Variants in CIP2A observed in about 807,000 individuals in gnomAD.
The protein encoded by CIP2A is protein CIP2A.
In CIP2A, 103 loss-of-function variants were observed where a neutral mutation model predicts 110.9. That is an observed-to-expected ratio of 0.93 (90% CI 0.79 to 1.09). CIP2A has a LOEUF of 1.09. Ranked by LOEUF, CIP2A falls within the 50% of genes least tolerant of loss-of-function variation. The pLI is 0.00. For synonymous variants in CIP2A, 381 were observed against 361.6 expected, an observed-to-expected ratio of 1.05 and a Z score of -0.61; for missense variants, 1,088 against 1,038.4, an observed-to-expected ratio of 1.05 and a Z score of -0.66.
intron 1 of CIP2A, among the ~76,000 whole-genome samples, chr3:108,588,914 G>A (rs1487141591): frequency 6.6e-6 from 1 of 152,232 alleles, no homozygotes; most frequent in Non-Finnish European, 1.5e-5. Context: ...TTTTAATCAT[G>A]ACTTTCCGTC....
At chr3:108,583,348 A>G (rs1938946961) in intron 2 of CIP2A, among the ~76,000 whole-genome samples, 1 of 152,158 alleles carries the variant, frequency 6.6e-6, no homozygotes, top group Non-Finnish European at 1.5e-5. Context: ...AATTAAAATC[A>G]TTTACTTTGA....
At position 108,553,750 on chromosome 3, in the gene CIP2A, T is replaced by G; in HGVS notation, c.2325-20A>C. 3 of 1,483,620 alleles carry G rather than the reference T, an allele frequency of 2.0e-6. No homozygotes were observed. Among genetic ancestry groups the G allele is most frequent in the Non-Finnish European group, 2.8e-6 (3 of 1,077,796 alleles). 91.9% of individuals were successfully genotyped at this position (1,483,620 alleles called of 1,614,324 possible). ...ATACTTCTGAAGTTATTAAAAAAAA[T>G]AGAAGAAAACATTAATGAACCATAT... On this transcript the variant is annotated intron_variant, in intron 18 of 20. Transcript: ENST00000295746.
chr3:108,559,269 A>G (rs1576300316), intron 16 of CIP2A, among the ~76,000 whole-genome samples: 1 of 152,300 alleles, frequency 6.6e-6, no homozygotes, highest in South Asian at 2.1e-4. Context: ...TCTTATTTGT[A>G]GAACACTAAA....
At chr3:108,566,925 A>G (rs1947430) in intron 10 of CIP2A, among the ~76,000 whole-genome samples, 54,259 of 151,526 alleles carry the variant, frequency 0.36, 10,247 homozygotes, top group East Asian at 0.53. Context: ...GGTTCAATAA[A>G]TATTTATTGA....
intron 1 of CIP2A, chr3:108,585,543 G>C: frequency 2.6e-6 from 1 of 387,684 alleles, no homozygotes; most frequent in Non-Finnish European, 4.9e-6. Context: ...GCAAACTTTT[G>C]AGTTCCTAGC....
At chr3:108,588,950 C>T (rs916028031) in intron 1 of CIP2A, among the ~76,000 whole-genome samples, 1 of 152,184 alleles carries the variant, frequency 6.6e-6, no homozygotes, top group Non-Finnish European at 1.5e-5. Context: ...GTATTGAGGG[C>T]TTGGTTTCGT....
At chr3:108,581,290 G>A in intron 5 of CIP2A, 125 bp downstream of exon 5, 1 of 650,236 alleles carries the variant, frequency 1.5e-6, no homozygotes, top group Non-Finnish European at 2.6e-6. Flanking sequence ...TAATTTTGAT[G>A]GGTCATCCGA....
intron 2 of CIP2A, among the ~76,000 whole-genome samples, chr3:108,584,332 CA>C (rs34357388): frequency 1.3e-5 from 2 of 152,050 alleles, no homozygotes; most frequent in Admixed American, 6.6e-5. Context: ...ATTAAAGATC[CA>C]AAAGTATTGT....
At chr3:108,553,476 G>A (rs1384279701) in intron 19 of CIP2A, among the ~76,000 whole-genome samples, 172 bp downstream of exon 19, 1 of 151,778 alleles carries the variant, frequency 6.6e-6, no homozygotes, top group East Asian at 1.9e-4. Flanking sequence ...TTTTCAACTT[G>A]ATTAAACCGA....
chr3:108,551,186 C>A lies in CIP2A; in HGVS notation c.2681G>T (p.Gly894Val). The stretch of plus-strand genomic sequence containing the variant: ...ATTCACAGTTTCTGGATTTATTTTT[C>A]CACCACTTAAACTGTGGATCATTGC... Reference protein sequence around the residue: ...MIAMIHSLSGGKINPETVNLS... With the variant: ...MIAMIHSLSGVKINPETVNLS... The change falls in exon 21 of 21, where the codon GGA (glycine) becomes GTA (valine). Residue 894 changes from glycine (G) to valine (V), a missense_variant. Transcript: ENST00000295746. The A allele has an allele frequency of 6.4e-7, 1 of 1,557,492 alleles. No individual in the cohort carries two copies. The highest frequency in any genetic ancestry group is 8.7e-7 in the Non-Finnish European group (1 of 1,147,362).
In CIP2A at chr3:108,560,738, A is replaced by C; in HGVS notation, c.1738T>G (p.Ser580Ala). 1.9e-6 allele frequency: 3 copies of C among 1,612,416 alleles called. No individual in the cohort carries two copies. Among genetic ancestry groups the C allele is most frequent in the African/African-American group, 1.3e-5 (1 of 74,940 alleles). ...AAATGAGGAGTTAAACACTTTATTG[A>C]TGTTGGAAAACTGTGATTTGATGAT... is the stretch of plus-strand genomic sequence containing the variant. ...WQSSNHSFPT[S>A]IKCLTPHLKD... The change falls in exon 14 of 21, where the codon TCA becomes GCA. Residue 580 changes from serine (S) to alanine (A), a missense_variant. Coordinates refer to ENST00000295746, the MANE Select transcript of CIP2A (RefSeq NM_020890.3).
intron 17 of CIP2A, among the ~76,000 whole-genome samples, 198 bp downstream of exon 17, chr3:108,557,020 T>C (rs1221704580): frequency 6.6e-6 from 1 of 152,160 alleles, no homozygotes; most frequent in African/African-American, 2.4e-5. Flanking sequence ...AAGACCTGTA[T>C]TTTGTTTCCA....
chr3:108,582,693 A>G (rs1189790510), intron 3 of CIP2A, among the ~76,000 whole-genome samples: 1 of 152,228 alleles, frequency 6.6e-6, no homozygotes, highest in African/African-American at 2.4e-5. Context: ...TTTAATATAA[A>G]TAGCTTATGT....
chr3:108,588,008 C>G (rs1404554222), intron 1 of CIP2A, among the ~76,000 whole-genome samples: 1 of 152,106 alleles, frequency 6.6e-6, no homozygotes, highest in Non-Finnish European at 1.5e-5. Context: ...AAACTCCCGA[C>G]CTCAGGTGAT....
At position 108,551,316 on chromosome 3, in the gene CIP2A, A is replaced by T. The variant is rs1404944614; in HGVS notation, c.2551T>A (p.Ser851Thr). 6.2e-7 allele frequency: 1 copy of T among 1,603,696 alleles called. No individual in the cohort carries two copies. The highest frequency in any genetic ancestry group is 1.1e-5 in the South Asian group (1 of 88,960). ...TGTGCCTTTTGAACCTCTAGGGAGG[A>T]AGCCTAAGGAATTGGGGTTGGGGGA... ...QIRKELSIKA[S>T]SLEVQKAQLE... The change falls in exon 21 of 21, where the codon TCC (serine) becomes ACC (threonine). Residue 851 changes from serine (S) to threonine (T), a missense_variant. Transcript: ENST00000295746.
chr3:108,556,713 A>G (rs772195363), intron 17 of CIP2A, among the ~76,000 whole-genome samples: 9 of 152,192 alleles, frequency 5.9e-5, no homozygotes, highest in Non-Finnish European at 1.0e-4. Flanking sequence ...AACTATAATC[A>G]AGGATATTAA....
At chr3:108,565,497 T>A (rs1317049871) in intron 11 of CIP2A, 43 bp from the exon 12 acceptor site, 4 of 1,073,498 alleles carry the variant, frequency 3.7e-6, no homozygotes, top group Admixed American at 2.3e-5. Context: ...CTGAAAAATT[T>A]CTTAGAGCTT....
intron 8 of CIP2A, among the ~76,000 whole-genome samples, chr3:108,575,501 T>C (rs1338309553): frequency 6.7e-6 from 1 of 149,596 alleles, no homozygotes; most frequent in Non-Finnish European, 1.5e-5. Context: ...CATATGTATA[T>C]ATGTATATAT....
intron 20 of CIP2A, among the ~76,000 whole-genome samples, 171 bp downstream of exon 20, chr3:108,552,063 T>C (rs1337785245): frequency 6.6e-6 from 1 of 152,192 alleles, no homozygotes; most frequent in Non-Finnish European, 1.5e-5. Flanking sequence ...TTAACTATTT[T>C]AGAAAATACA....
Sources: gnomAD v4.1 joint callset for allele counts (sites outside exome capture counted in the v4.1 genomes callset) on GRCh38, gnomAD v4.1.1 for gene constraint, MANE v1.5 for transcripts, NCBI Gene and HGNC (gene_info 2026-07-23, HGNC 2026-07-21) for gene names.